Variants in CDK13 observed in about 807,000 individuals in gnomAD.
CDK13 encodes the protein cyclin dependent kinase 13.
A neutral mutation model predicts 137.6 loss-of-function variants in CDK13; 40 were observed. The ratio of observed to expected loss-of-function variants is 0.29; its 90% CI spans 0.23 to 0.38. The LOEUF (loss-of-function observed/expected upper bound fraction) is 0.38. CDK13 is among the 10% of genes least tolerant of loss of function. The probability of loss-of-function intolerance (pLI) is 1.00; values close to 1 mark genes in which losing one functional copy is unlikely to be tolerated. For synonymous variants in CDK13, 869 were observed against 760.1 expected (o/e 1.14, Z -2.36); for missense variants, 1,704 against 1,951.8 (o/e 0.87, Z 2.39).
At chr7:39,972,757 A>G (rs961918396) in intron 1 of CDK13, among the ~76,000 whole-genome samples, 3 of 152,102 alleles carry the variant, frequency 2.0e-5, no homozygotes, top group African/African-American at 4.8e-5. Context: ...TAATGCTGCT[A>G]TGAACATTTG....
intron 1 of CDK13, among the ~76,000 whole-genome samples, chr7:39,977,209 A>G (rs1188372208): frequency 9.2e-5 from 14 of 152,190 alleles, no homozygotes; most frequent in Admixed American, 8.5e-4. Flanking sequence ...TGGGAATATA[A>G]AGGCATGGAA....
chr7:40,086,803 C>CT (rs1400738144), intron 11 of CDK13, among the ~76,000 whole-genome samples: 2 of 147,896 alleles, frequency 1.4e-5, no homozygotes, highest in East Asian at 4.1e-4. Flanking sequence ...ATGTTCTAGC[C>CT]TTACTCTTTT....
chr7:40,048,035 A>C, intron 7 of CDK13, 158 bp downstream of exon 7: 1 of 463,446 alleles, frequency 2.2e-6, no homozygotes, highest in East Asian at 3.1e-5. Flanking sequence ...TGGGTTGATT[A>C]TTGTAATTAC....
chr7:39,959,918 G>A (rs1051199303), intron 1 of CDK13, among the ~76,000 whole-genome samples: 1 of 146,752 alleles, frequency 6.8e-6, no homozygotes, highest in Admixed American at 6.8e-5. Context: ...TTTATGTAAC[G>A]TTTTATTTTA....
At chr7:39,990,969 C>T (rs73688948) in intron 2 of CDK13, among the ~76,000 whole-genome samples, 1 of 152,168 alleles carries the variant, frequency 6.6e-6, no homozygotes, top group African/African-American at 2.4e-5. Context: ...AATATATAAA[C>T]CATTATATGT....
At chr7:39,964,508 CTCT>C (rs1783823328) in intron 1 of CDK13, among the ~76,000 whole-genome samples, 1 of 83,670 alleles carries the variant, frequency 1.2e-5, no homozygotes, top group Non-Finnish European at 3.6e-5. Flanking sequence ...TGATTCTTCT[CTCT>C]TTTTTCTTTA....
intron 2 of CDK13, among the ~76,000 whole-genome samples, chr7:39,991,195 T>C (rs1222149370): frequency 6.6e-6 from 1 of 152,240 alleles, no homozygotes; most frequent in Non-Finnish European, 1.5e-5. Flanking sequence ...TTTTTGTTTT[T>C]TGCTGAACAG....
At chr7:40,009,291 A>G (rs1784850912) in intron 5 of CDK13, among the ~76,000 whole-genome samples, 1 of 152,238 alleles carries the variant, frequency 6.6e-6, no homozygotes, top group Admixed American at 6.5e-5. Context: ...ACTATATTTT[A>G]TTCCTCCATT....
intron 1 of CDK13, among the ~76,000 whole-genome samples, chr7:39,964,941 A>G (rs1341285090): frequency 1.3e-5 from 2 of 152,044 alleles, no homozygotes; most frequent in Admixed American, 6.6e-5. Context: ...GTTTGGAGTG[A>G]GTTTCTTAAT....
At chr7:40,066,788 C>T (rs1324984862) in intron 9 of CDK13, 1 of 152,088 alleles carries the variant, frequency 6.6e-6, no homozygotes, top group East Asian at 1.9e-4. Flanking sequence ...TCAGTGAATC[C>T]TCTGTTTAAA....
intron 1 of CDK13, among the ~76,000 whole-genome samples, chr7:39,972,648 G>A (rs1004170810): frequency 6.6e-6 from 1 of 152,172 alleles, no homozygotes; most frequent in Admixed American, 6.6e-5. Flanking sequence ...GTAGTATATG[G>A]ATCAATATTC....
intron 7 of CDK13, among the ~76,000 whole-genome samples, chr7:40,058,487 T>C (rs914725447): frequency 1.4e-5 from 2 of 147,624 alleles, no homozygotes; most frequent in African/African-American, 5.0e-5. Flanking sequence ...TGAGCCAAGA[T>C]TGCACCACTG....
intron 9 of CDK13, among the ~76,000 whole-genome samples, chr7:40,074,598 T>C (rs1672240451): frequency 6.6e-6 from 1 of 151,540 alleles, no homozygotes; most frequent in Non-Finnish European, 1.5e-5. Flanking sequence ...GGCTTATGCC[T>C]GTAATCCCAA....
At chr7:40,015,861 G>A (rs908864867) in intron 5 of CDK13, among the ~76,000 whole-genome samples, 2 of 152,122 alleles carry the variant, frequency 1.3e-5, no homozygotes, top group Non-Finnish European at 2.9e-5. Flanking sequence ...AGAAAAAAAC[G>A]AGTCATTGGT....
intron 5 of CDK13, among the ~76,000 whole-genome samples, chr7:40,026,324 C>T (rs1354932471): frequency 6.6e-6 from 1 of 152,082 alleles, no homozygotes; most frequent in African/African-American, 2.4e-5. Context: ...GCCTGGACAA[C>T]ATAGCTAGAC....
At chr7:39,999,299 T>A (rs1784633745) in intron 3 of CDK13, 62 bp from the exon 4 acceptor site, 1 of 1,385,942 alleles carries the variant, frequency 7.2e-7, no homozygotes, top group African/African-American at 1.4e-5. Flanking sequence ...GATATTGAGT[T>A]ATTAGACAGT....
Position 39,998,442 on chromosome 7 carries a change from C to CAAA in CDK13, c.2042+778_2042+779insAAA, listed in dbSNP as rs1784609425. 186 of 72,624 alleles carry CAAA rather than the reference C, an allele frequency of 2.6e-3. 63 individuals carry two copies. The highest frequency in any genetic ancestry group is 0.013 in the African/African-American group (181 of 13,414). The allele number at this position is 72,624 out of a possible 1,614,324, so 4.5% of individuals were successfully genotyped here. ...GCAACACAGGGAGACCCCATCTCTA[C>CAAA]CAAAAAAAAAAAAAAAAAAAAAAAA... On this transcript the variant is annotated intron_variant, in intron 3 of 13. Transcript: ENST00000181839.
intron 3 of CDK13, chr7:39,998,261 C>G (rs1784605362): frequency 7.1e-6 from 1 of 140,378 alleles, no homozygotes; most frequent in Admixed American, 7.4e-5. Flanking sequence ...TAAGTTAGAT[C>G]TGATTTTAGA....
intron 2 of CDK13, among the ~76,000 whole-genome samples, chr7:39,996,746 T>G (rs957273431): frequency 3.9e-5 from 6 of 151,932 alleles, no homozygotes; most frequent in Admixed American, 1.3e-4. Flanking sequence ...GTGGATCACT[T>G]GAGGTTGGGA....
Sources: gnomAD v4.1 joint callset for allele counts (sites outside exome capture counted in the v4.1 genomes callset) on GRCh38, gnomAD v4.1.1 for gene constraint, MANE v1.5 for transcripts, NCBI Gene and HGNC (gene_info 2026-07-23, HGNC 2026-07-21) for gene names.